Variants in TMEM184C observed in about 807,000 individuals in gnomAD.
The protein encoded by TMEM184C is transmembrane protein 34.
In TMEM184C, 25 loss-of-function variants were observed where a neutral mutation model predicts 54.5. The observed-to-expected ratio is 0.46, with a 90% CI of 0.33 to 0.64. The LOEUF is 0.64. TMEM184C is among the 30% of genes least tolerant of loss of function. The pLI is 0.02. For missense variants in TMEM184C, 335 were observed against 520.3 expected (o/e 0.64, Z 3.46); for synonymous variants, 148 against 181.5 (o/e 0.82, Z 1.49).
intron 4 of TMEM184C, among the ~76,000 whole-genome samples, chr4:147,627,146 C>T (rs1387315431): frequency 6.6e-6 from 1 of 152,162 alleles, no homozygotes; most frequent in African/African-American, 2.4e-5. Flanking sequence ...TGACACAGGA[C>T]AAGGACAAGG....
At chr4:147,631,569 G>A (rs1264614016) in intron 7 of TMEM184C, 64 bp downstream of exon 7, 5 of 1,236,888 alleles carry the variant, frequency 4.0e-6, no homozygotes, top group Non-Finnish European at 5.8e-6. Context: ...GTTGATTAAG[G>A]AGGATTTTTA....
chr4:147,634,390 A>G lies in TMEM184C; in HGVS notation c.1273A>G (p.Ile425Val). 4.3e-6 allele frequency: 7 copies of G among 1,613,992 alleles called. No individual in the cohort carries two copies. The highest frequency in any genetic ancestry group is 5.9e-6 in the Non-Finnish European group (7 of 1,179,946). Residue 425 changes from isoleucine to valine, a missense_variant, in exon 10 of 10, where the codon ATA becomes GTA. Ile to Val is a conservative substitution (Grantham distance 29). Coordinates refer to ENST00000296582, the MANE Select transcript of TMEM184C (RefSeq NM_018241.3). ...ATCTGATGAAATCCTTAGTGATACT[A>G]TAGGAGAGAAAAAAGAACCTTCAGA... Reference protein sequence around the residue: ...KISDEILSDTIGEKKEPSDKS... With the variant: ...KISDEILSDTVGEKKEPSDKS...
intron 4 of TMEM184C, among the ~76,000 whole-genome samples, chr4:147,627,317 G>A (rs1283286362): frequency 6.6e-6 from 1 of 151,742 alleles, no homozygotes; most frequent in Non-Finnish European, 1.5e-5. Flanking sequence ...TTTTGAGATG[G>A]TCTTGCTCTG....
At chr4:147,624,730 T>C in intron 3 of TMEM184C, 74 bp from the exon 4 acceptor site, 1 of 1,418,808 alleles carries the variant, frequency 7.0e-7, no homozygotes, top group Non-Finnish European at 9.8e-7. Flanking sequence ...TAGCTTATTG[T>C]GAGTACCATG....
At position 147,632,969 on chromosome 4, in the gene TMEM184C, GCAAA is replaced by G; in HGVS notation, c.848_851del (p.Gln283LeufsTer2). ...TTTCTGAAAAGCATACGTGGGAATG[GCAAA>G]CTGTAGAAGCTGTGGCCACCGGACT... On this transcript the variant is annotated frameshift_variant, in exon 8 of 10. Coordinates refer to ENST00000296582, the MANE Select transcript of TMEM184C (RefSeq NM_018241.3). LOFTEE classifies it high-confidence loss of function. The G allele has an allele frequency of 6.2e-7, 1 of 1,614,008 alleles. No individual in the cohort carries two copies. The highest frequency in any genetic ancestry group is 8.5e-7 in the Non-Finnish European group (1 of 1,179,960).
At chr4:147,623,439 A>G (rs1732750085) in intron 1 of TMEM184C, among the ~76,000 whole-genome samples, 1 of 151,792 alleles carries the variant, frequency 6.6e-6, no homozygotes, top group Admixed American at 6.6e-5. Context: ...TCTCAAAAAA[A>G]AAAAAAGAAA....
At chr4:147,633,106 C>T in intron 8 of TMEM184C, 104 bp downstream of exon 8, 1 of 920,252 alleles carries the variant, frequency 1.1e-6, no homozygotes, top group South Asian at 1.8e-5. Context: ...GGCTATTATC[C>T]TCACTTTACA....
chr4:147,622,760 T>A (rs1305847696), intron 1 of TMEM184C, among the ~76,000 whole-genome samples: 2 of 152,094 alleles, frequency 1.3e-5, no homozygotes, highest in Non-Finnish European at 2.9e-5. Context: ...TGTATTAGCT[T>A]TTGGTTTGTT....
chr4:147,626,012 A>G (rs562532853), intron 4 of TMEM184C, among the ~76,000 whole-genome samples: 147 of 152,226 alleles, frequency 9.7e-4, no homozygotes, highest in Non-Finnish European at 1.8e-3. Context: ...AAAGCTGTCC[A>G]CTTATACTGA....
intron 4 of TMEM184C, among the ~76,000 whole-genome samples, chr4:147,626,642 T>C (rs28476507): frequency 0.012 from 1,755 of 152,326 alleles, 42 homozygotes; most frequent in African/African-American, 0.04. Context: ...AAGCTACTAA[T>C]GTGTTCATTT....
In TMEM184C at chr4:147,617,569, A is replaced by G. The variant is rs1732620099; in HGVS notation, c.-388A>G. ...GCAGGCAGCTGCGAGACAGAACCGG[A>G]GTGTGCAGGGTCCCTAGAGGCCGGT... On this transcript the variant is annotated 5_prime_UTR_variant, in exon 1 of 10. Coordinates refer to ENST00000296582, the MANE Select transcript of TMEM184C (RefSeq NM_018241.3). 1.1e-5 allele frequency: 2 copies of G among 187,806 alleles called. No individual in the cohort carries two copies. The highest frequency in any genetic ancestry group is 1.0e-4 in the South Asian group (1 of 9,552). The allele number at this position is 187,806 out of a possible 1,614,324, so 11.6% of individuals were successfully genotyped here. A position where few individuals can be genotyped will look rare whatever the true frequency, so the allele number is the denominator to read the frequency against.
chr4:147,618,240 G>A (rs1732637275), intron 1 of TMEM184C, among the ~76,000 whole-genome samples, 161 bp downstream of exon 1: 1 of 152,178 alleles, frequency 6.6e-6, no homozygotes, highest in Non-Finnish European at 1.5e-5. Context: ...CTTGTTCACG[G>A]TTCTTCAAGT....
intron 1 of TMEM184C, among the ~76,000 whole-genome samples, chr4:147,618,497 G>A (rs1466211171): frequency 6.6e-6 from 1 of 152,114 alleles, no homozygotes; most frequent in Non-Finnish European, 1.5e-5. Context: ...TTTAACTTTG[G>A]TGTCTGTTTT....
At position 147,632,652 on chromosome 4, in the gene TMEM184C, G is replaced by T. The variant is rs72947816; in HGVS notation, c.780-251G>T. On this transcript the variant is annotated intron_variant, in intron 7 of 9. Coordinates refer to ENST00000296582, the MANE Select transcript of TMEM184C (RefSeq NM_018241.3). Reference sequence around the variant, plus strand: ...ATTATTTGCTGTTTAAATTTTACCTGGGGCCATTATCTCTAGATTTGCTTG... The same window carrying T: ...ATTATTTGCTGTTTAAATTTTACCTTGGGCCATTATCTCTAGATTTGCTTG... The T allele has an allele frequency of 2.4e-3, 974 of 397,996 alleles. 7 individuals carry two copies. Among genetic ancestry groups the T allele is most frequent in the African/African-American group, 0.018 (900 of 49,426 alleles). The allele number at this position is 397,996 out of a possible 1,614,324, so 24.7% of individuals were successfully genotyped here.
In TMEM184C at chr4:147,617,869, T is replaced by C. The variant is rs755781667; in HGVS notation, c.-88T>C. 1 of 1,582,432 alleles carries C rather than the reference T, an allele frequency of 6.3e-7. No individual in the cohort carries two copies. Among genetic ancestry groups the C allele is most frequent in the Non-Finnish European group, 8.6e-7 (1 of 1,156,318 alleles). ...CAGCTTTTTCTCCGTAGTATGCGAG[T>C]TGACAAAACAGCCAGAGAACAGGGC... On this transcript the variant is annotated 5_prime_UTR_variant, in exon 1 of 10. Coordinates refer to ENST00000296582, the MANE Select transcript of TMEM184C (RefSeq NM_018241.3).
intron 4 of TMEM184C, among the ~76,000 whole-genome samples, chr4:147,627,748 T>C (rs1216099638): frequency 6.7e-6 from 1 of 149,526 alleles, no homozygotes; most frequent in Admixed American, 6.7e-5. Context: ...AGAAAATAAA[T>C]TAGCCAGGTG....
chr4:147,624,274 T>G lies in TMEM184C; in HGVS notation c.291+176T>G, dbSNP rs1503863. On this transcript the variant is annotated intron_variant, in intron 3 of 9. Transcript: ENST00000296582. ...AAGTATAATTAAAAATGTAAAATGT[T>G]ATATTATAAATGTTTAAAAATCTAT... Among the ~76,000 whole-genome samples, 145,407 of 152,192 alleles carry G rather than the reference T, an allele frequency of 0.96. 69,809 individuals are homozygous for G. Among genetic ancestry groups the G allele is most frequent in the East Asian group, 1 (5,187 of 5,188 alleles).
At chr4:147,631,959 C>CA (rs1732924300) in intron 7 of TMEM184C, among the ~76,000 whole-genome samples, 1 of 152,086 alleles carries the variant, frequency 6.6e-6, no homozygotes. Flanking sequence ...ACAGGTGGAT[C>CA]ACCTGAGGTT....
At chr4:147,618,910 C>T (rs1298534097) in intron 1 of TMEM184C, among the ~76,000 whole-genome samples, 1 of 152,212 alleles carries the variant, frequency 6.6e-6, no homozygotes, top group Non-Finnish European at 1.5e-5. Flanking sequence ...GCTCCTGTTG[C>T]CCAGGCTGGA....
Sources: allele counts gnomAD v4.1 joint callset (sites outside exome capture counted in the v4.1 genomes callset), GRCh38; gene constraint gnomAD v4.1.1; transcripts MANE v1.5; gene names NCBI Gene and HGNC (gene_info 2026-07-23, HGNC 2026-07-21).